Variants in TSGA10 observed in about 807,000 individuals in gnomAD.
The protein encoded by TSGA10 is testis specific 10.
Under a neutral mutation model 96.6 loss-of-function variants are expected in TSGA10, and 43 were observed. The ratio of observed to expected loss-of-function variants is 0.44; its 90% confidence interval spans 0.35 to 0.57. The LOEUF is 0.57. Among genes scored for constraint, TSGA10 ranks in the 20% least tolerant of loss-of-function variants. The probability of loss-of-function intolerance (pLI) is 0.01; values close to 1 mark genes in which losing one functional copy is unlikely to be tolerated. For missense variants in TSGA10, 703 were observed against 834.4 expected (o/e 0.84, Z 1.94); for synonymous variants, 229 against 269.9 (o/e 0.85, Z 1.48).
chr2:99,072,933 C>T (rs766036616), intron 13 of TSGA10, 85 bp downstream of exon 13: 505 of 911,398 alleles, frequency 5.5e-4, no homozygotes, highest in Non-Finnish European at 8.2e-4. Flanking sequence ...TATCATTAAG[C>T]CCCTTGTTTC....
chr2:99,001,456 C>T (rs2077899000), intron 20 of TSGA10, among the ~76,000 whole-genome samples: 1 of 152,126 alleles, frequency 6.6e-6, no homozygotes, highest in South Asian at 2.1e-4. Flanking sequence ...AAAGGACACC[C>T]ACACCAAAAC....
chr2:99,078,966 T>G, intron 11 of TSGA10, 153 bp from the exon 12 acceptor site: 2 of 578,238 alleles, frequency 3.5e-6, no homozygotes, highest in Non-Finnish European at 2.7e-6. Flanking sequence ...ATTAAAAAAA[T>G]TTTTTTGGTT....
chr2:99,068,951 T>C lies in TSGA10; in HGVS notation c.1155A>G (p.Ile385Met). Residue 385 changes from isoleucine to methionine, a missense_variant, in exon 15 of 21, where the codon ATA (isoleucine) becomes ATG (methionine). Physicochemically the swap from Ile to Met is conservative, Grantham distance 10. This residue lies in a region of TSGA10 where 585 missense variants were observed against 656.8 expected (regional missense o/e 0.89). Coordinates refer to ENST00000393483, the MANE Select transcript of TSGA10 (RefSeq NM_025244.4). ...AATTAGTATCTTGAACCTTCTGTTT[T>C]ATGTCATTAAGTTCATTATGAGTGT... is the stretch of plus-strand genomic sequence containing the variant. ...LNDTHNELND[I>M]KQKVQDTNLE... The C allele has an allele frequency of 1.3e-6, 2 of 1,481,500 alleles. No individual in the cohort carries two copies. The highest frequency in any genetic ancestry group is 1.8e-6 in the Non-Finnish European group (2 of 1,120,550). The allele number at this position is 1,481,500 out of a possible 1,614,324, so 91.8% of individuals were successfully genotyped here. A position where few individuals can be genotyped will look rare whatever the true frequency, so the allele number is the denominator to read the frequency against.
At chr2:99,105,479 C>T (rs1244429764) in intron 8 of TSGA10, 43 bp from the exon 9 acceptor site, 2 of 1,613,294 alleles carry the variant, frequency 1.2e-6, no homozygotes, top group African/African-American at 1.3e-5. Flanking sequence ...TTCAATATCC[C>T]TGAATTTGTG....
Position 99,020,442 on chromosome 2 carries a change from A to G in TSGA10, c.1655T>C (p.Leu552Pro). ...CTCATTTGCCATCTGACTCCTCAGG[A>G]GTTCAATTTCAGAATGAGCAGAATC... ...ELDSAHSEIE[L>P]LRSQMANERI... is the part of the protein sequence containing the mutation. Residue 552 changes from leucine (L) to proline (P), a missense_variant, in exon 18 of 21, where the codon CTC becomes CCC. Transcript: ENST00000393483. 1 of 1,613,804 alleles carries G rather than the reference A, an allele frequency of 6.2e-7. No individual in the cohort carries two copies. The highest frequency in any genetic ancestry group is 2.2e-5 in the East Asian group (1 of 44,818).
intron 16 of TSGA10, among the ~76,000 whole-genome samples, chr2:99,061,193 T>C (rs550399167): frequency 6.6e-6 from 1 of 152,192 alleles, no homozygotes; most frequent in South Asian, 2.1e-4. Flanking sequence ...AACAAGAAGA[T>C]AAACATGCCA....
In TSGA10 at chr2:99,002,590, T is replaced by G. The variant is rs528247387; in HGVS notation, c.2073-4369A>C. Among the ~76,000 whole-genome samples the G allele has an allele frequency of 1.5e-4, 23 of 152,124 alleles. 1 individual carries two copies. In the South Asian group the frequency reaches 4.8e-3, roughly 32 times the overall value. On this transcript the variant is annotated intron_variant, in intron 20 of 20. Transcript: ENST00000393483. The stretch of plus-strand genomic sequence containing the variant: ...AAACTACATCAACTAACGAGCAAAA[T>G]AACCAGCTAACAACATAATGACAGG...
chr2:99,008,328 T>TA, intron 20 of TSGA10, among the ~76,000 whole-genome samples: 1 of 152,300 alleles, frequency 6.6e-6, no homozygotes, highest in East Asian at 1.9e-4. Flanking sequence ...TGAAATGTAC[T>TA]AAAAATTTTT....
intron 17 of TSGA10, among the ~76,000 whole-genome samples, chr2:99,025,839 CTTCT>C (rs2080514325): frequency 6.6e-6 from 1 of 151,864 alleles, no homozygotes; most frequent in South Asian, 2.1e-4. Context: ...TTTGTGATTT[CTTCT>C]TTGACTCACC....
intron 1 of TSGA10, chr2:99,150,493 G>C: frequency 2.1e-6 from 3 of 1,407,892 alleles, no homozygotes; most frequent in Non-Finnish European, 2.9e-6. Context: ...TAATCAAGTT[G>C]AAGAAACACT....
chr2:99,121,211 AATGT>A (rs1225587626), intron 2 of TSGA10, among the ~76,000 whole-genome samples: 1 of 152,122 alleles, frequency 6.6e-6, no homozygotes, highest in Admixed American at 6.5e-5. Context: ...TTGTATGGTA[AATGT>A]ATGTTTAGTC....
chr2:99,102,387 G>A lies in TSGA10; in HGVS notation c.611+1580C>T. 3.7e-6 allele frequency: 6 copies of A among 1,613,638 alleles called. No individual in the cohort carries two copies. In the South Asian group the frequency reaches 6.6e-5, roughly 18 times the overall value. On this transcript the variant is annotated intron_variant, in intron 10 of 20. Coordinates refer to ENST00000393483, the MANE Select transcript of TSGA10 (RefSeq NM_025244.4). ...ATCAGTTGAGCAGTTTACTGGAGTT[G>A]GAATTAGGGTGTCATTTACAGGAAA...
At chr2:99,073,855 C>T (rs1402555629) in intron 12 of TSGA10, among the ~76,000 whole-genome samples, 1 of 151,564 alleles carries the variant, frequency 6.6e-6, no homozygotes. Flanking sequence ...TAACATTAGC[C>T]CTAAAAAAGT....
At chr2:99,016,618 T>C (rs1272617541) in intron 20 of TSGA10, among the ~76,000 whole-genome samples, 1 of 152,062 alleles carries the variant, frequency 6.6e-6, no homozygotes, top group South Asian at 2.1e-4. Flanking sequence ...CAAAAGCAAA[T>C]GAAACAAAAA....
intron 4 of TSGA10, among the ~76,000 whole-genome samples, chr2:99,115,091 C>T (rs2092146282): frequency 6.6e-6 from 1 of 152,102 alleles, no homozygotes; most frequent in African/African-American, 2.4e-5. Context: ...TGGCAACACG[C>T]CCAGCTATTT....
chr2:99,044,301 A>G (rs946863229), intron 16 of TSGA10, among the ~76,000 whole-genome samples: 3 of 151,782 alleles, frequency 2.0e-5, no homozygotes, highest in Admixed American at 6.6e-5. Context: ...GAAAACACAC[A>G]TAGGCTCAAA....
intron 16 of TSGA10, among the ~76,000 whole-genome samples, chr2:99,058,776 G>A (rs1025979454): frequency 6.6e-6 from 1 of 151,890 alleles, no homozygotes; most frequent in Non-Finnish European, 1.5e-5. Context: ...GGTGGCTCAC[G>A]CCTGTAATCC....
At chr2:99,088,791 T>C (rs2104663416) in intron 10 of TSGA10, among the ~76,000 whole-genome samples, 1 of 152,336 alleles carries the variant, frequency 6.6e-6, no homozygotes, top group East Asian at 1.9e-4. Context: ...AATCCAAATA[T>C]CTATCAACAA....
At chr2:99,024,440 A>AT (rs904975507) in intron 17 of TSGA10, among the ~76,000 whole-genome samples, 9 of 151,100 alleles carry the variant, frequency 6.0e-5, no homozygotes, top group South Asian at 4.2e-4. Context: ...GTTTGATATA[A>AT]TTTTTTTTTC....
Sources: gnomAD v4.1 joint callset for allele counts (sites outside exome capture counted in the v4.1 genomes callset) on GRCh38, gnomAD v4.1.1 for gene constraint, gnomAD v4.1.1 regional missense constraint, MANE v1.5 for transcripts, NCBI Gene and HGNC (gene_info 2026-07-23, HGNC 2026-07-21) for gene names.